PCDHGB3: variants seen among roughly 807,000 people sequenced by gnomAD.
The protein encoded by PCDHGB3 is protocadherin gamma-B3.
PCDHGB3 carries 40 observed loss-of-function variants against 59.2 expected under a neutral mutation model. The ratio of observed to expected loss-of-function variants is 0.68; its 90% CI spans 0.52 to 0.88. The LOEUF (loss-of-function observed/expected upper bound fraction) is 0.88. Ranked by LOEUF, PCDHGB3 falls within the 40% of genes least tolerant of loss-of-function variation. The pLI is 0.00. For missense variants in PCDHGB3, 1,309 were observed against 1,187.9 expected (o/e 1.10, Z -1.50); for synonymous variants, 581 against 503.6 (o/e 1.15, Z -2.06).
At chr5:141,479,023 GT>G (rs1436478867) in intron 1 of PCDHGB3, among the ~76,000 whole-genome samples, 1 of 152,056 alleles carries the variant, frequency 6.6e-6, no homozygotes, top group Non-Finnish European at 1.5e-5. Context: ...ATTTTCCTTT[GT>G]TTATACAGAT....
intron 1 of PCDHGB3, among the ~76,000 whole-genome samples, chr5:141,401,296 C>G (rs2094138441): frequency 6.6e-6 from 1 of 152,104 alleles, no homozygotes; most frequent in African/African-American, 2.4e-5. Flanking sequence ...GAGCCGAGAT[C>G]ACTCCATTGC....
chr5:141,381,826 C>CTTCTTTTTTTTTTTTT (rs1777532522), intron 1 of PCDHGB3, among the ~76,000 whole-genome samples: 2 of 74,284 alleles, frequency 2.7e-5, no homozygotes, highest in African/African-American at 6.2e-5. Context: ...CTTTCTTCTT[C>CTTCTTTTTTTTTTTTT]TTTTTTTTTT....
intron 2 of PCDHGB3, among the ~76,000 whole-genome samples, chr5:141,498,792 G>A (rs1217057199): frequency 2.6e-5 from 4 of 152,086 alleles, no homozygotes; most frequent in Admixed American, 2.6e-4. Context: ...TATTAGCCAG[G>A]TGTGGTGGTG....
intron 1 of PCDHGB3, among the ~76,000 whole-genome samples, chr5:141,482,104 A>T (rs11748215): frequency 0.23 from 34,477 of 150,324 alleles, 4,798 homozygotes; most frequent in African/African-American, 0.39. Context: ...AAAAAAAAAA[A>T]ATATCTAGAG....
chr5:141,478,497 C>A (rs746475685), intron 1 of PCDHGB3: 2 of 1,612,820 alleles, frequency 1.2e-6, no homozygotes, highest in Non-Finnish European at 1.7e-6. Context: ...AGCTGTGATC[C>A]GGTGTTCTAT....
intron 1 of PCDHGB3, chr5:141,399,416 C>T: frequency 6.2e-7 from 1 of 1,614,046 alleles, no homozygotes; most frequent in African/African-American, 1.3e-5. Context: ...CCCCTCTCCT[C>T]CAGCATAAGC....
intron 2 of PCDHGB3, among the ~76,000 whole-genome samples, chr5:141,497,622 C>G (rs1434147255): frequency 6.6e-6 from 1 of 151,538 alleles, no homozygotes; most frequent in African/African-American, 2.4e-5. Context: ...TCACTGCAAC[C>G]TCTGCCTGCC....
At chr5:141,444,783 C>A (rs551686741) in intron 1 of PCDHGB3, among the ~76,000 whole-genome samples, 2 of 152,100 alleles carry the variant, frequency 1.3e-5, no homozygotes, top group Non-Finnish European at 2.9e-5. Context: ...GATCATGTTT[C>A]ATTTGTCTAT....
rs754299511 is a variant in PCDHGB3 at position 141,476,353 on chromosome 5, G to A, written c.2416-18454G>A. 4 of 1,614,202 alleles carry A rather than the reference G, an allele frequency of 2.5e-6. No individual in the cohort carries two copies. Among genetic ancestry groups the A allele is most frequent in the South Asian group, 1.1e-5 (1 of 91,082 alleles). On this transcript the variant is annotated intron_variant, in intron 1 of 3. Coordinates refer to ENST00000576222, the MANE Select transcript of PCDHGB3 (RefSeq NM_018924.5). The surrounding 1 kb of genome is among the most constrained non-coding windows in gnomAD (Gnocchi z 7.6). The stretch of plus-strand genomic sequence containing the variant: ...GAGCTAGCCGAAGATTCTTTGAGGT[G>A]AACCGGGAGACCGGAGAGATGTTTG...
Position 141,371,530 on chromosome 5 carries a change from A to G in PCDHGB3, c.1136A>G (p.Asn379Ser), listed in dbSNP as rs769779786. ...ACACATGATCTAGATTCTGGATTTAATGGAGAAATCCTATGCCAACTAAAA... is the reference window on the plus strand; with the variant it reads ...ACACATGATCTAGATTCTGGATTTAGTGGAGAAATCCTATGCCAACTAAAA... ...IKTHDLDSGF[N>S]GEILCQLKGN... The change falls in exon 1 of 4, where the codon AAT becomes AGT. Residue 379 changes from asparagine (N) to serine (S), a missense_variant. By Grantham distance (46) the Asn-to-Ser change is conservative. Transcript: ENST00000576222. The G allele has an allele frequency of 1.9e-6, 3 of 1,613,804 alleles. No individual in the cohort carries two copies. The Middle Eastern group carries it at 4.9e-4, about 266-fold the overall frequency.
rs779462820 is a variant in PCDHGB3, at chr5:141,374,112, G to A, written c.2415+1303G>A. ...GCGCCTCCGCAGAGGCATCCGCAGC[G>A]CAGCGAGCAGGTCCTGCTCCTCACG... On this transcript the variant is annotated intron_variant, in intron 1 of 3. Coordinates refer to ENST00000576222, the MANE Select transcript of PCDHGB3 (RefSeq NM_018924.5). The A allele has an allele frequency of 5.1e-6, 8 of 1,578,426 alleles. No homozygotes were observed. The African/African-American group carries it at 9.5e-5, about 19-fold the overall frequency.
chr5:141,392,194 T>C (rs1486735796), intron 1 of PCDHGB3: 1 of 152,238 alleles, frequency 6.6e-6, no homozygotes, highest in East Asian at 1.9e-4. Context: ...TCTATTTTAG[T>C]CTCAAGATAA....
intron 1 of PCDHGB3, chr5:141,424,584 C>T (rs919265310): frequency 3.9e-5 from 6 of 152,082 alleles, no homozygotes; most frequent in African/African-American, 1.4e-4. Flanking sequence ...TTCAAATGTG[C>T]TAAAGATGTC....
chr5:141,478,307 G>T, intron 1 of PCDHGB3: 3 of 1,614,056 alleles, frequency 1.9e-6, no homozygotes, highest in Non-Finnish European at 2.5e-6. Context: ...CCGAGCCCCG[G>T]TGAGCTCACT....
chr5:141,424,556 G>C (rs2096828013), intron 1 of PCDHGB3: 1 of 152,128 alleles, frequency 6.6e-6, no homozygotes, highest in South Asian at 2.1e-4. Context: ...TTGATTCAGT[G>C]CTTCTCAAAA....
At chr5:141,374,501 G>A (rs746410507) in intron 1 of PCDHGB3, 2 of 1,611,510 alleles carry the variant, frequency 1.2e-6, no homozygotes, top group Non-Finnish European at 1.7e-6. Context: ...AGAATTGGAA[G>A]TGAAAATTCT....
chr5:141,481,781 G>A (rs957054361), intron 1 of PCDHGB3, among the ~76,000 whole-genome samples: 3 of 151,998 alleles, frequency 2.0e-5, no homozygotes, highest in Admixed American at 6.6e-5. Context: ...GTGAAACCCC[G>A]TCTCTACTAA....
intron 1 of PCDHGB3, chr5:141,410,671 C>T: frequency 1.3e-6 from 2 of 1,563,260 alleles, no homozygotes; most frequent in Non-Finnish European, 1.7e-6. Context: ...ACTAGTTTCT[C>T]ATATTTTAGG....
rs775051431 is a variant in PCDHGB3, at chr5:141,376,309, C to T, written c.2415+3500C>T. 2.5e-6 allele frequency: 4 copies of T among 1,614,030 alleles called. No individual in the cohort carries two copies. The East Asian group carries it at 6.7e-5, about 27-fold the overall frequency. On this transcript the variant is annotated intron_variant, in intron 1 of 3. Transcript: ENST00000576222. Reference sequence around the variant, plus strand: ...GCATGCCCGGCTCGCACTTTGTGGGCGTGGAAGGGGTTCGGGCTTTCCTGC... The same window carrying T: ...GCATGCCCGGCTCGCACTTTGTGGGTGTGGAAGGGGTTCGGGCTTTCCTGC...
Sources: allele counts gnomAD v4.1 joint callset (sites outside exome capture counted in the v4.1 genomes callset), GRCh38; gene constraint gnomAD v4.1.1; non-coding constraint Gnocchi (gnomAD v3.1); transcripts MANE v1.5; gene names NCBI Gene and HGNC (gene_info 2026-07-23, HGNC 2026-07-21).